TRAF3IP1: variants seen among roughly 807,000 people sequenced by gnomAD.
TRAF3IP1 encodes intraflagellar transport 54.
A neutral mutation model predicts 89.9 loss-of-function variants in TRAF3IP1; 53 were observed. The observed-to-expected ratio is 0.59, with a 90% CI of 0.47 to 0.74. TRAF3IP1 has a LOEUF of 0.74. Among genes scored for constraint, TRAF3IP1 ranks in the 30% least tolerant of loss-of-function variants. The probability of loss-of-function intolerance (pLI) is 0.00; values close to 1 mark genes in which losing one functional copy is unlikely to be tolerated. For missense variants in TRAF3IP1, 806 were observed against 866.1 expected (o/e 0.93, Z 0.87); for synonymous variants, 311 against 322.1 (o/e 0.97, Z 0.37).
chr2:238,349,477 A>G, intron 12 of TRAF3IP1, 69 bp downstream of exon 12: 2 of 1,472,918 alleles, frequency 1.4e-6, no homozygotes, highest in Non-Finnish European at 1.9e-6. Flanking sequence ...TGCCTCCGCT[A>G]AGAGAAGGGG....
rs116105525 is a variant in TRAF3IP1, at chr2:238,345,299, T to A, written c.1261+701T>A. Among the ~76,000 whole-genome samples the A allele has an allele frequency of 3.9e-5, 6 of 152,336 alleles. No homozygotes were observed. Among genetic ancestry groups the A allele is most frequent in the Non-Finnish European group, 7.3e-5 (5 of 68,034 alleles). ...GTGAAGTCAGGCTGGCCTCCTGCCT[T>A]CCTGGTGCAGATGAGGCTCGAAGAT... is the stretch of plus-strand genomic sequence containing the variant. On this transcript the variant is annotated intron_variant, in intron 9 of 16. Coordinates refer to ENST00000373327, the MANE Select transcript of TRAF3IP1 (RefSeq NM_015650.4). This position sits in a 1 kb window ranked among gnomAD's most constrained non-coding sequence, Gnocchi z 4.7.
At chr2:238,323,382 T>C (rs1697658456) in intron 1 of TRAF3IP1, among the ~76,000 whole-genome samples, 1 of 152,172 alleles carries the variant, frequency 6.6e-6, no homozygotes, top group South Asian at 2.1e-4. Flanking sequence ...CCCAGCCTAT[T>C]GCTCACAATT....
chr2:238,383,777 T>G (rs1337866079), intron 15 of TRAF3IP1, among the ~76,000 whole-genome samples: 1 of 152,256 alleles, frequency 6.6e-6, no homozygotes. Context: ...CTTTTCATGT[T>G]GCAAATTGAG....
chr2:238,335,427 C>CT (rs1698337287), intron 7 of TRAF3IP1, among the ~76,000 whole-genome samples: 1 of 152,036 alleles, frequency 6.6e-6, no homozygotes, highest in African/African-American at 2.4e-5. Flanking sequence ...GGGTTACGGG[C>CT]TTTTTTGTGT....
intron 15 of TRAF3IP1, among the ~76,000 whole-genome samples, chr2:238,372,364 A>G (rs961450950): frequency 5.9e-5 from 9 of 151,810 alleles, no homozygotes; most frequent in Non-Finnish European, 1.0e-4. Flanking sequence ...CCCACTTATG[A>G]GTGAGAACAT....
chr2:238,330,488 G>A (rs1255162762), intron 5 of TRAF3IP1, among the ~76,000 whole-genome samples: 2 of 152,224 alleles, frequency 1.3e-5, no homozygotes, highest in Non-Finnish European at 2.9e-5. Context: ...CTGCTAGGAA[G>A]GAGGACACTG....
intron 7 of TRAF3IP1, among the ~76,000 whole-genome samples, 173 bp downstream of exon 7, chr2:238,334,208 T>C (rs1357368469): frequency 2.0e-4 from 31 of 152,030 alleles, no homozygotes; most frequent in Admixed American, 2.0e-3. Flanking sequence ...TACATACACA[T>C]GCGTGTGTGC....
chr2:238,363,454 T>C (rs1022085084), intron 15 of TRAF3IP1, among the ~76,000 whole-genome samples: 1 of 152,230 alleles, frequency 6.6e-6, no homozygotes, highest in Non-Finnish European at 1.5e-5. Context: ...ATTCTTTTTT[T>C]AGTTTTTTAC....
intron 5 of TRAF3IP1, among the ~76,000 whole-genome samples, chr2:238,331,240 C>A (rs1698106819): frequency 6.7e-6 from 1 of 148,688 alleles, no homozygotes; most frequent in African/African-American, 2.5e-5. Flanking sequence ...GCAGGTGGAT[C>A]ATGAGGTCAA....
At chr2:238,364,575 TCTCA>T (rs1439017615) in intron 15 of TRAF3IP1, among the ~76,000 whole-genome samples, 1 of 152,250 alleles carries the variant, frequency 6.6e-6, no homozygotes, top group East Asian at 1.9e-4. Flanking sequence ...TTTAAATATT[TCTCA>T]CTCCTAATTT....
In TRAF3IP1 at chr2:238,351,663, G is replaced by C. The variant is rs978169047; in HGVS notation, c.1452-1164G>C. On this transcript the variant is annotated intron_variant, in intron 12 of 16. Coordinates refer to ENST00000373327, the MANE Select transcript of TRAF3IP1 (RefSeq NM_015650.4). The surrounding 1 kb of genome is among the most constrained non-coding windows in gnomAD (Gnocchi z 5.2). The stretch of plus-strand genomic sequence containing the variant: ...CTGGTACTGACAGAGCAGCGGGTTC[G>C]AAGTGAGGTTGGTCCTGGCGGAGCC... Among the ~76,000 whole-genome samples the C allele has an allele frequency of 1.3e-5, 2 of 152,170 alleles. No individual in the cohort carries two copies. The highest frequency in any genetic ancestry group is 6.5e-5 in the Admixed American group (1 of 15,292).
intron 15 of TRAF3IP1, among the ~76,000 whole-genome samples, chr2:238,371,851 G>A (rs1441986560): frequency 6.6e-6 from 1 of 152,116 alleles, no homozygotes; most frequent in African/African-American, 2.4e-5. Context: ...TACTTTTAAA[G>A]TGAAACTAGT....
intron 15 of TRAF3IP1, among the ~76,000 whole-genome samples, chr2:238,357,714 T>C (rs1411868941): frequency 6.6e-6 from 1 of 152,226 alleles, no homozygotes. Context: ...GGGGTTGTCC[T>C]GGTGTCCCTG....
At chr2:238,348,933 T>C (rs1699021894) in intron 11 of TRAF3IP1, 85 bp downstream of exon 11, 1 of 1,181,006 alleles carries the variant, frequency 8.5e-7, no homozygotes, top group Non-Finnish European at 1.2e-6. Flanking sequence ...TGCTGCTATT[T>C]ATTTAGTGCT....
chr2:238,392,000 T>A (rs1701012410), intron 15 of TRAF3IP1, among the ~76,000 whole-genome samples: 1 of 152,250 alleles, frequency 6.6e-6, no homozygotes, highest in Non-Finnish European at 1.5e-5. Context: ...ATTTAGCGTC[T>A]TAATTTAAAG....
rs1701405766 is a variant in TRAF3IP1, at chr2:238,400,164, C to T, written c.*1245C>T. ...AGGCTGGAGTGCAGTGGCGCAATCT[C>T]GGCTCACTGCAACCACCGCCTCCCG... is the stretch of plus-strand genomic sequence containing the variant. On this transcript the variant is annotated 3_prime_UTR_variant, in exon 17 of 17. Coordinates refer to ENST00000373327, the MANE Select transcript of TRAF3IP1 (RefSeq NM_015650.4). The T allele has an allele frequency of 1.3e-5, 2 of 150,384 alleles. No homozygotes were observed. The highest frequency in any genetic ancestry group is 6.6e-5 in the Admixed American group (1 of 15,108). The allele number at this position is 150,384 out of a possible 1,614,324, so 9.3% of individuals were successfully genotyped here. A position where few individuals can be genotyped will look rare whatever the true frequency, so the allele number is the denominator to read the frequency against.
intron 15 of TRAF3IP1, among the ~76,000 whole-genome samples, chr2:238,381,057 A>T (rs1313113132): frequency 6.6e-6 from 1 of 151,028 alleles, no homozygotes; most frequent in Non-Finnish European, 1.5e-5. Flanking sequence ...TCCTATTTAC[A>T]GAATAGCAAC....
chr2:238,376,675 T>C (rs1574959638), intron 15 of TRAF3IP1, among the ~76,000 whole-genome samples: 1 of 152,258 alleles, frequency 6.6e-6, no homozygotes, highest in African/African-American at 2.4e-5. Context: ...GATTTATATG[T>C]GGGTATTTAT....
chr2:238,324,289 A>G (rs779545426), intron 1 of TRAF3IP1, among the ~76,000 whole-genome samples: 1 of 152,026 alleles, frequency 6.6e-6, no homozygotes. Context: ...GCTGGTCTTG[A>G]ACTGCTGACC....
Sources: allele counts gnomAD v4.1 joint callset (sites outside exome capture counted in the v4.1 genomes callset), GRCh38; gene constraint gnomAD v4.1.1; non-coding constraint Gnocchi (gnomAD v3.1); transcripts MANE v1.5; gene names NCBI Gene and HGNC (gene_info 2026-07-23, HGNC 2026-07-21).